Variants in GSK3A observed in about 807,000 individuals in gnomAD.
GSK3A encodes the protein glycogen synthase kinase 3 alpha, also known as glycogen synthase kinase-3 alpha.
GSK3A carries 14 observed loss-of-function variants against 56.6 expected under a neutral mutation model. The ratio of observed to expected loss-of-function variants is 0.25; its 90% CI spans 0.16 to 0.39. The LOEUF is 0.39. Ranked by LOEUF, GSK3A falls within the 10% of genes least tolerant of loss-of-function variation. GSK3A has a pLI of 1.00. For missense variants in GSK3A, 450 were observed against 656.0 expected, an observed-to-expected ratio of 0.69 and a Z score of 3.43; for synonymous variants, 301 against 285.0, an observed-to-expected ratio of 1.06 and a Z score of -0.56.
In GSK3A at chr19:42,240,034, C is replaced by T; in HGVS notation, c.392G>A (p.Gly131Glu). 6.2e-7 allele frequency: 1 copy of T among 1,614,176 alleles called. No homozygotes were observed. The highest frequency in any genetic ancestry group is 8.5e-7 in the Non-Finnish European group (1 of 1,180,008). ...TGCCAGCCGTGCCTGGTACACGACC[C>T]CAAATGAGCCATTGCCAATCACTTT... ...DIKVIGNGSF[G>E]VVYQARLAET... The change falls in exon 2 of 11, where the codon GGG becomes GAG. Residue 131 changes from glycine to glutamate, a missense_variant. Gly to Glu is a moderately conservative substitution (Grantham distance 98). Coordinates refer to ENST00000222330, the MANE Select transcript of GSK3A (RefSeq NM_019884.3).
Position 42,230,506 on chromosome 19 carries a change from G to A in GSK3A, c.*288C>T, listed in dbSNP as rs2036215945. On this transcript the variant is annotated 3_prime_UTR_variant, in exon 11 of 11. Coordinates refer to ENST00000222330, the MANE Select transcript of GSK3A (RefSeq NM_019884.3). ...ACACAGGAGGGGAGGGGGTCTGGAGGAGGTGGAGGTCTGGGGGAGGGGAGG... is the reference window on the plus strand; with the variant it reads ...ACACAGGAGGGGAGGGGGTCTGGAGAAGGTGGAGGTCTGGGGGAGGGGAGG... 2.1e-6 allele frequency: 1 copy of A among 485,440 alleles called. No individual in the cohort carries two copies. Among genetic ancestry groups the A allele is most frequent in the Non-Finnish European group, 3.7e-6 (1 of 269,384 alleles). The allele number at this position is 485,440 out of a possible 1,614,324, so 30.1% of individuals were successfully genotyped here.
Position 42,234,312 on chromosome 19 carries a change from C to G in GSK3A, c.904+41G>C, listed in dbSNP as rs777675402. ...AGCACACAGAAAACTCCAAAACTTCCCAGATTGCCACTCCCCCCGCCACCC... is the reference window on the plus strand; with the variant it reads ...AGCACACAGAAAACTCCAAAACTTCGCAGATTGCCACTCCCCCCGCCACCC... On this transcript the variant is annotated intron_variant, in intron 6 of 10. Coordinates refer to ENST00000222330, the MANE Select transcript of GSK3A (RefSeq NM_019884.3). The surrounding 1 kb of genome is among the most constrained non-coding windows in gnomAD (Gnocchi z 5.7). The G allele has an allele frequency of 2.2e-5, 32 of 1,472,058 alleles. 1 individual carries two copies. The highest frequency in any genetic ancestry group is 3.0e-5 in the Non-Finnish European group (32 of 1,050,902). The allele number at this position is 1,472,058 out of a possible 1,614,324, so 91.2% of individuals were successfully genotyped here.
chr19:42,230,641 G>A lies in GSK3A; in HGVS notation c.*153C>T, dbSNP rs2036217323. On this transcript the variant is annotated 3_prime_UTR_variant, in exon 11 of 11. Coordinates refer to ENST00000222330, the MANE Select transcript of GSK3A (RefSeq NM_019884.3). The stretch of plus-strand genomic sequence containing the variant: ...AGCCCACCACAGGGGTGAGGCTGGT[G>A]AGGGAGGGACTGGAGGTGGGGACAG... 1.5e-6 allele frequency: 1 copy of A among 645,290 alleles called. No individual in the cohort carries two copies. The highest frequency in any genetic ancestry group is 2.8e-6 in the Non-Finnish European group (1 of 353,044). 40.0% of individuals were successfully genotyped at this position (645,290 alleles called of 1,614,324 possible). A position where few individuals can be genotyped will look rare whatever the true frequency, so the allele number is the denominator to read the frequency against.
At position 42,242,457 on chromosome 19, in the gene GSK3A, G is replaced by A. The variant is rs1179587180; in HGVS notation, c.9C>T (p.Gly3=). Residue 3 remains glycine (G), a synonymous_variant, in exon 1 of 11, where the codon GGC becomes GGT. Coordinates refer to ENST00000222330, the MANE Select transcript of GSK3A (RefSeq NM_019884.3). MS[G]GGPSGGGPGG... Reference sequence around the variant, plus strand: ...CAGGGCCGCCTCCCGAAGGCCCGCCGCCGCTCATGGCGCCGAGCACAGGCC... The same window carrying A: ...CAGGGCCGCCTCCCGAAGGCCCGCCACCGCTCATGGCGCCGAGCACAGGCC... 8.1e-7 allele frequency: 1 copy of A among 1,235,996 alleles called. No individual in the cohort carries two copies. Among genetic ancestry groups the A allele is most frequent in the Non-Finnish European group, 1.0e-6 (1 of 988,902 alleles). The allele number at this position is 1,235,996 out of a possible 1,614,324, so 76.6% of individuals were successfully genotyped here. A position where few individuals can be genotyped will look rare whatever the true frequency, so the allele number is the denominator to read the frequency against.
chr19:42,232,398 C>T (rs1029414078), intron 9 of GSK3A, 98 bp downstream of exon 9: 40 of 1,139,710 alleles, frequency 3.5e-5, no homozygotes, highest in Non-Finnish European at 4.6e-5. Flanking sequence ...TGTACCCTGC[C>T]CTTAGCTCCC....
In GSK3A at chr19:42,230,722, T is replaced by A; in HGVS notation, c.*72A>T. On this transcript the variant is annotated 3_prime_UTR_variant, in exon 11 of 11. Transcript: ENST00000222330. ...GGGCCCAGCCAGGGCAGGAGCTTGA[T>A]GGGCTATGGCCCCCCTTCCCAGCCC... 8.7e-7 allele frequency: 1 copy of A among 1,154,346 alleles called. No individual in the cohort carries two copies. The highest frequency in any genetic ancestry group is 1.3e-6 in the Non-Finnish European group (1 of 784,690). The allele number at this position is 1,154,346 out of a possible 1,614,324, so 71.5% of individuals were successfully genotyped here.
At chr19:42,236,765 G>T (rs747662778) in intron 3 of GSK3A, 49 bp from the exon 4 acceptor site, 1 of 1,525,516 alleles carries the variant, frequency 6.6e-7, no homozygotes, top group South Asian at 1.1e-5. Context: ...AGAGTGAGGA[G>T]GGGGAAGGAA....
chr19:42,240,329 G>C, intron 1 of GSK3A, 187 bp from the exon 2 acceptor site: 1 of 617,790 alleles, frequency 1.6e-6, no homozygotes, highest in Admixed American at 2.6e-5. Flanking sequence ...TCCTTTCTGG[G>C]AATCTTAAGT....
At chr19:42,232,029 T>C in intron 10 of GSK3A, 28 bp downstream of exon 10, 3 of 1,347,034 alleles carry the variant, frequency 2.2e-6, no homozygotes, top group Non-Finnish European at 2.1e-6. Context: ...AGAGATACTT[T>C]AACCCCCAGC....
At position 42,234,588 on chromosome 19, in the gene GSK3A, C is replaced by T. The variant is rs750207489; in HGVS notation, c.757G>A (p.Asp253Asn). The T allele has an allele frequency of 4.3e-6, 7 of 1,613,964 alleles. No individual in the cohort carries two copies. The highest frequency in any genetic ancestry group is 5.9e-6 in the Non-Finnish European group (7 of 1,179,984). ...RDIKPQNLLV[D>N]PDTAVLKLCD... Reference sequence around the variant, plus strand: ...AGCTTGAGGACAGCAGTGTCAGGGTCCACCAGCAGGTTCTGGGGCTTGATG... The same window carrying T: ...AGCTTGAGGACAGCAGTGTCAGGGTTCACCAGCAGGTTCTGGGGCTTGATG... The change falls in exon 5 of 11, where the codon GAC (aspartate) becomes AAC (asparagine). Residue 253 changes from aspartate (D) to asparagine (N), a missense_variant. By Grantham distance (23) the Asp-to-Asn change is conservative. Coordinates refer to ENST00000222330, the MANE Select transcript of GSK3A (RefSeq NM_019884.3). The surrounding 1 kb of genome is among the most constrained non-coding windows in gnomAD (Gnocchi z 5.7).
rs75798989 is a variant in GSK3A at position 42,234,701 on chromosome 19, G to C, written c.667-23C>G. 9.1e-4 allele frequency: 1,407 copies of C among 1,540,568 alleles called. 22 individuals are homozygous for C. The African/African-American group carries it at 0.018, about 19-fold the overall frequency. ...CACCTGCGGCGGGCACAGGATAGCA[G>C]AACTTTAGCCCAGCTTTCCCCATAC... is the stretch of plus-strand genomic sequence containing the variant. On this transcript the variant is annotated intron_variant, in intron 4 of 10. Transcript: ENST00000222330. This position sits in a 1 kb window ranked among gnomAD's most constrained non-coding sequence, Gnocchi z 5.7.
intron 2 of GSK3A, 122 bp downstream of exon 2, chr19:42,239,833 C>CT (rs1468706437): frequency 1.3e-6 from 1 of 752,792 alleles, no homozygotes; most frequent in Admixed American, 2.4e-5. Context: ...CTCATTTCCT[C>CT]TTTTCCCCCT....
chr19:42,233,262 G>GGCCCCCCCCC, intron 7 of GSK3A, 24 bp downstream of exon 7: 5 of 1,077,516 alleles, frequency 4.6e-6, no homozygotes, highest in South Asian at 1.3e-5. Flanking sequence ...CCCACCCCCT[G>GGCCCCCCCCC]CCCAGCCCAG....
chr19:42,232,519 G>A lies in GSK3A; in HGVS notation c.1262C>T (p.Pro421Leu), dbSNP rs770282435. ...ACCACCAGCACTGAAGTTGAAGAGA[G>A]GGGGAAGTGGGCGGTTGTTAGGCAG... ...TQLPNNRPLP[P>L]LFNFSAGELS... Residue 421 changes from proline to leucine, a missense_variant, in exon 9 of 11, where the codon CCT becomes CTT. Pro to Leu is a moderately conservative substitution (Grantham distance 98, BLOSUM62 -3). Around this residue, in one of 3 missense-constraint regions of GSK3A, gnomAD observed 113 missense variants for 147.5 expected, o/e 0.77. Coordinates refer to ENST00000222330, the MANE Select transcript of GSK3A (RefSeq NM_019884.3). 6.2e-7 allele frequency: 1 copy of A among 1,614,178 alleles called. No individual in the cohort carries two copies. The highest frequency in any genetic ancestry group is 1.1e-5 in the South Asian group (1 of 91,076).
rs547636176 is a variant in GSK3A at position 42,234,997 on chromosome 19, C to T, written c.667-319G>A. Among the ~76,000 whole-genome samples, 1 of 152,098 alleles carries T rather than the reference C, an allele frequency of 6.6e-6. No individual in the cohort carries two copies. Among genetic ancestry groups the T allele is most frequent in the Non-Finnish European group, 1.5e-5 (1 of 68,022 alleles). Reference sequence around the variant, plus strand: ...CAAAAATTAGCCGGGCGTGGTGGTGCACACCTGTAATCCCAGCTACTCGGG... The same window carrying T: ...CAAAAATTAGCCGGGCGTGGTGGTGTACACCTGTAATCCCAGCTACTCGGG... On this transcript the variant is annotated intron_variant, in intron 4 of 10. Transcript: ENST00000222330. The surrounding 1 kb of genome is among the most constrained non-coding windows in gnomAD (Gnocchi z 5.7).
chr19:42,232,184 A>G (rs2036228470), intron 9 of GSK3A, 35 bp from the exon 10 acceptor site: 2 of 1,338,872 alleles, frequency 1.5e-6, no homozygotes, highest in East Asian at 4.6e-5. Context: ...GTCAGGGTAG[A>G]CTACAGCAGG....
Position 42,236,619 on chromosome 19 carries a change from A to G in GSK3A, c.653T>C (p.Ile218Thr). ...CTGCTGGCCTACCTTGACATAGAGG[A>G]TAGGGATGGTCAACTTGGCCTTGGT... ...HFTKAKLTIP[I>T]LYVKVYMYQL... The change falls in exon 4 of 11, where the codon ATC becomes ACC. Residue 218 changes from isoleucine (I) to threonine (T), a missense_variant. Ile to Thr is a moderately conservative substitution (Grantham distance 89). This residue lies in a region of GSK3A where 144 missense variants were observed against 308.0 expected (regional missense o/e 0.47). Coordinates refer to ENST00000222330, the MANE Select transcript of GSK3A (RefSeq NM_019884.3). The G allele has an allele frequency of 6.2e-7, 1 of 1,607,922 alleles. No homozygotes were observed. Among genetic ancestry groups the G allele is most frequent in the Non-Finnish European group, 8.5e-7 (1 of 1,174,416 alleles).
Position 42,242,068 on chromosome 19 carries a change from T to C in GSK3A, c.283+115A>G, listed in dbSNP as rs574231627. 4.5e-5 allele frequency: 40 copies of C among 897,682 alleles called. No individual in the cohort carries two copies. In the African/African-American group the frequency reaches 6.1e-4, roughly 14 times the overall value. 55.6% of individuals were successfully genotyped at this position (897,682 alleles called of 1,614,324 possible). A position where few individuals can be genotyped will look rare whatever the true frequency, so the allele number is the denominator to read the frequency against. ...AGGAAGAGGGCTCGGATCCCCGGTA[T>C]GGGGAGGCACAGTGACCTCGAGCTC... On this transcript the variant is annotated intron_variant, in intron 1 of 10. Transcript: ENST00000222330.
chr19:42,233,222 G>A lies in GSK3A; in HGVS notation c.1003-17C>T, dbSNP rs1271661023. The A allele has an allele frequency of 1.9e-6, 3 of 1,598,348 alleles. No individual in the cohort carries two copies. Among genetic ancestry groups the A allele is most frequent in the Non-Finnish European group, 1.7e-6 (2 of 1,169,668 alleles). On this transcript the variant is annotated splice_polypyrimidine_tract_variant and intron_variant, in intron 7 of 10. Transcript: ENST00000222330. Reference sequence around the variant, plus strand: ...TCCCAGCACCTGTAAAGAGAGGGAGGGGTCTGAGACAAGGGCCCCATCCCT... The same window carrying A: ...TCCCAGCACCTGTAAAGAGAGGGAGAGGTCTGAGACAAGGGCCCCATCCCT...
Sources: allele counts gnomAD v4.1 joint callset (sites outside exome capture counted in the v4.1 genomes callset), GRCh38; gene constraint gnomAD v4.1.1; regional missense constraint gnomAD v4.1.1; non-coding constraint Gnocchi (gnomAD v3.1); transcripts MANE v1.5; gene names NCBI Gene and HGNC (gene_info 2026-07-23, HGNC 2026-07-21).